GSKIP: variants seen among roughly 807,000 people sequenced by gnomAD.
GSKIP encodes the protein GSK3B interacting protein, also known as GSK3B-interacting protein.
A neutral mutation model predicts 11.9 loss-of-function variants in GSKIP; 5 were observed. That is an observed-to-expected ratio of 0.42 (90% confidence interval 0.22 to 0.89). The LOEUF is 0.89. GSKIP is among the 40% of genes least tolerant of loss of function. The probability of loss-of-function intolerance (pLI) is 0.29; values close to 1 mark genes in which losing one functional copy is unlikely to be tolerated. For synonymous variants in GSKIP, 70 were observed against 62.9 expected (o/e 1.11, Z -0.54); for missense variants, 150 against 166.6 (o/e 0.90, Z 0.55).
chr14:96,366,626 C>G (rs1010115498), intron 1 of GSKIP, among the ~76,000 whole-genome samples: 3 of 152,148 alleles, frequency 2.0e-5, no homozygotes, highest in Non-Finnish European at 4.4e-5. Flanking sequence ...GGTGTGGTGA[C>G]GTGCCCCTGT....
In GSKIP at chr14:96,366,124, A is replaced by G. The variant is rs1236016054; in HGVS notation, c.-103+2556A>G. Among the ~76,000 whole-genome samples the G allele has an allele frequency of 8.5e-5, 13 of 152,222 alleles. No individual in the cohort carries two copies. The South Asian group carries it at 1.7e-3, about 19-fold the overall frequency. ...AGATAAGACATGTTTGTAAATAATA[A>G]TTCTAATATTTGCCATAAAAGGAAT... On this transcript the variant is annotated intron_variant, in intron 1 of 3. Coordinates refer to ENST00000555181, the MANE Select transcript of GSKIP (RefSeq NM_016472.5).
At chr14:96,372,733 G>A (rs1034448402) in intron 1 of GSKIP, among the ~76,000 whole-genome samples, 2 of 152,260 alleles carry the variant, frequency 1.3e-5, no homozygotes, top group South Asian at 2.1e-4. Context: ...AAAAATCCAG[G>A]TAAAGCCTGA....
intron 1 of GSKIP, among the ~76,000 whole-genome samples, chr14:96,366,600 A>T (rs542072084): frequency 1.8e-4 from 28 of 152,308 alleles, no homozygotes; most frequent in Non-Finnish European, 3.5e-4. Flanking sequence ...GAAGATGAAA[A>T]TAATTACCCT....
intron 1 of GSKIP, among the ~76,000 whole-genome samples, chr14:96,375,086 T>G (rs562982716): frequency 2.4e-4 from 37 of 152,208 alleles, no homozygotes; most frequent in Non-Finnish European, 4.4e-4. Flanking sequence ...CATGAAGTAG[T>G]ATAGTATTAA....
chr14:96,371,361 G>GT (rs1889040762), intron 1 of GSKIP, among the ~76,000 whole-genome samples: 2 of 150,428 alleles, frequency 1.3e-5, no homozygotes, highest in East Asian at 2.0e-4. Flanking sequence ...TTTTTAAATT[G>GT]TTTTTTCTTA....
At chr14:96,366,410 C>T (rs1399116910) in intron 1 of GSKIP, among the ~76,000 whole-genome samples, 1 of 152,124 alleles carries the variant, frequency 6.6e-6, no homozygotes, top group Admixed American at 6.5e-5. Context: ...TTGTGTGTTG[C>T]CTTGTAAACT....
At chr14:96,382,572 TAGTGGGGAGGGGAAG>T in intron 3 of GSKIP, 67 bp downstream of exon 3, 4 of 1,213,376 alleles carry the variant, frequency 3.3e-6, no homozygotes, top group Non-Finnish European at 4.6e-6. Context: ...AAAAGAGGGG[TAGTGGGGAGGGGAAG>T]AGTGTTAAAA....
intron 1 of GSKIP, among the ~76,000 whole-genome samples, chr14:96,374,923 C>T (rs1012798758): frequency 3.3e-5 from 5 of 151,710 alleles, no homozygotes; most frequent in African/African-American, 1.2e-4. Context: ...TTATATATTA[C>T]ATATAAAAAG....
At chr14:96,378,624 A>C (rs532994563) in intron 1 of GSKIP, among the ~76,000 whole-genome samples, 8 of 152,332 alleles carry the variant, frequency 5.3e-5, no homozygotes, top group Admixed American at 3.9e-4. Context: ...ATTGATATCC[A>C]AAGATTTTGG....
Position 96,385,606 on chromosome 14 carries a change from C to T in GSKIP, c.342C>T (p.Leu114=). 1 of 1,613,378 alleles carries T rather than the reference C, an allele frequency of 6.2e-7. No individual in the cohort carries two copies. Among genetic ancestry groups the T allele is most frequent in the Non-Finnish European group, 8.5e-7 (1 of 1,179,508 alleles). ...CAGTCTACTCCTTGTTGGATACACT[C>T]AGCCCCGCCTACCGAGAAGCATTTG... ...HETVYSLLDT[L]SPAYREAFGN... is the part of the protein sequence containing the mutation. Residue 114 remains leucine, a synonymous_variant, in exon 4 of 4, where the codon CTC becomes CTT. Coordinates refer to ENST00000555181, the MANE Select transcript of GSKIP (RefSeq NM_016472.5).
chr14:96,373,231 A>G (rs1242513245), intron 1 of GSKIP, among the ~76,000 whole-genome samples: 5 of 41,846 alleles, frequency 1.2e-4, no homozygotes, highest in African/African-American at 5.3e-4. Flanking sequence ...CTCTGTCTCA[A>G]AAAAAAAAAA....
chr14:96,382,423 G>T lies in GSKIP; in HGVS notation c.176G>T (p.Cys59Phe). The T allele has an allele frequency of 6.2e-7, 1 of 1,613,602 alleles. No individual in the cohort carries two copies. The highest frequency in any genetic ancestry group is 1.1e-5 in the South Asian group (1 of 91,072). Residue 59 changes from cysteine to phenylalanine, a missense_variant, in exon 3 of 4, where the codon TGT becomes TTT. Transcript: ENST00000555181. The part of the protein sequence containing the change: ...NNMFVSKSLR[C>F]ADDVAYINVE... ...ATGTTTGTCTCGAAAAGCCTGCGGT[G>T]TGCGGATGATGTGGCCTATATCAAT...
intron 1 of GSKIP, among the ~76,000 whole-genome samples, chr14:96,368,922 A>T (rs1466142720): frequency 1.3e-5 from 2 of 152,254 alleles, no homozygotes; most frequent in African/African-American, 4.8e-5. Context: ...AGAGGTTGAA[A>T]GAGCTTGAAG....
At chr14:96,385,415 AGAAAT>A (rs774694840) in intron 3 of GSKIP, 103 bp from the exon 4 acceptor site, 2 of 839,674 alleles carry the variant, frequency 2.4e-6, no homozygotes, top group Non-Finnish European at 3.7e-6. Context: ...GGCTAGGAAA[AGAAAT>A]AATTTATTTT....
chr14:96,381,440 GAT>G (rs1447552355), intron 2 of GSKIP, among the ~76,000 whole-genome samples: 1 of 152,134 alleles, frequency 6.6e-6, no homozygotes, highest in Non-Finnish European at 1.5e-5. Flanking sequence ...GTTAAATTCA[GAT>G]ACAACGAGAA....
rs905180714 is a variant in GSKIP at position 96,382,564 on chromosome 14, AAG to A, written c.258+62_258+63del. On this transcript the variant is annotated intron_variant, in intron 3 of 3. Coordinates refer to ENST00000555181, the MANE Select transcript of GSKIP (RefSeq NM_016472.5). ...TTTATGTCTTTACCACTTTATCAAA[AAG>A]AGGGGTAGTGGGGAGGGGAAGAGTG... 6.1e-6 allele frequency: 8 copies of A among 1,313,478 alleles called. No individual in the cohort carries two copies. In the Middle Eastern group the frequency reaches 7.6e-4, roughly 125 times the overall value. The allele number at this position is 1,313,478 out of a possible 1,614,324, so 81.4% of individuals were successfully genotyped here.
At chr14:96,367,163 C>T (rs938553050) in intron 1 of GSKIP, among the ~76,000 whole-genome samples, 11 of 152,200 alleles carry the variant, frequency 7.2e-5, no homozygotes, top group African/African-American at 2.7e-4. Context: ...CAGCACAGTT[C>T]TAAGCACTTT....
At chr14:96,382,637 A>G in intron 3 of GSKIP, 132 bp downstream of exon 3, 1 of 510,912 alleles carries the variant, frequency 2.0e-6, no homozygotes. Flanking sequence ...TTTTTTAAGA[A>G]AAACTTTTAA....
intron 1 of GSKIP, among the ~76,000 whole-genome samples, chr14:96,378,526 C>T (rs574432207): frequency 5.9e-5 from 9 of 152,308 alleles, no homozygotes; most frequent in Non-Finnish European, 1.2e-4. Flanking sequence ...TGCTTTTAGA[C>T]TTCTCATCTC....
Sources: allele counts gnomAD v4.1 joint callset (sites outside exome capture counted in the v4.1 genomes callset), GRCh38; gene constraint gnomAD v4.1.1; transcripts MANE v1.5; gene names NCBI Gene and HGNC (gene_info 2026-07-23, HGNC 2026-07-21).